The following CACNA2D3 variants were observed in gnomAD, a reference collection of about 807,000 sequenced individuals.
CACNA2D3 encodes the protein voltage-dependent calcium channel subunit alpha-2/delta-3.
CACNA2D3 carries 60 observed loss-of-function variants against 160.6 expected under a neutral mutation model. The ratio of observed to expected loss-of-function variants is 0.37; its 90% confidence interval spans 0.30 to 0.46. The LOEUF (loss-of-function observed/expected upper bound fraction) is 0.46, where lower values mean the gene tolerates loss of function less well. Ranked by LOEUF, CACNA2D3 falls within the 20% of genes least tolerant of loss-of-function variation. CACNA2D3 has a pLI of 1.00. For missense variants in CACNA2D3, 1,205 were observed against 1,365.0 expected (o/e 0.88, Z 1.85); for synonymous variants, 558 against 492.9 (o/e 1.13, Z -1.75).
At chr3:54,432,396 A>G (rs1474903462) in intron 4 of CACNA2D3, among the ~76,000 whole-genome samples, 1 of 152,178 alleles carries the variant, frequency 6.6e-6, no homozygotes, top group African/African-American at 2.4e-5. Flanking sequence ...TAACTAGAGC[A>G]AAAAAATGCA....
chr3:55,031,778 G>A (rs1417694536), intron 35 of CACNA2D3, among the ~76,000 whole-genome samples: 2 of 152,184 alleles, frequency 1.3e-5, no homozygotes, highest in Non-Finnish European at 2.9e-5. Flanking sequence ...TGGGTGGAGA[G>A]GGTACAAGAT....
chr3:54,445,866 G>T (rs572816573), intron 4 of CACNA2D3, among the ~76,000 whole-genome samples: 1 of 152,270 alleles, frequency 6.6e-6, no homozygotes, highest in African/African-American at 2.4e-5. Context: ...ATGTTTATAA[G>T]ACCTCTCATG....
At chr3:54,601,714 C>T (rs552367953) in intron 9 of CACNA2D3, among the ~76,000 whole-genome samples, 35 of 151,946 alleles carry the variant, frequency 2.3e-4, no homozygotes, top group African/African-American at 8.2e-4. Context: ...TCTAGCAATT[C>T]TGCTTGGATT....
chr3:54,335,828 A>AC lies in CACNA2D3; in HGVS notation c.321+15272dup, dbSNP rs200863842. Among the ~76,000 whole-genome samples the AC allele has an allele frequency of 4.7e-3, 715 of 151,662 alleles. 19 individuals carry two copies. The East Asian group carries it at 0.083, about 18-fold the overall frequency. On this transcript the variant is annotated intron_variant, in intron 3 of 37. Transcript: ENST00000474759. Reference sequence around the variant, plus strand: ...AGACCATCCTGGCCAGAATGGTGAAACCTGTCTCTACTAAAATAACAAAAA... The same window carrying AC: ...AGACCATCCTGGCCAGAATGGTGAAACCCTGTCTCTACTAAAATAACAAAAA...
chr3:54,780,765 A>G (rs1702517702), intron 13 of CACNA2D3, among the ~76,000 whole-genome samples: 1 of 152,240 alleles, frequency 6.6e-6, no homozygotes, highest in South Asian at 2.1e-4. Context: ...GAAGACGCTA[A>G]GAAATCCTTA....
rs888541914 is a variant in CACNA2D3, at chr3:54,256,241, G to A, written c.205-64201G>A. Among the ~76,000 whole-genome samples, 3 of 152,272 alleles carry A rather than the reference G, an allele frequency of 2.0e-5. No homozygotes were observed. In the East Asian group the frequency reaches 5.8e-4, roughly 29 times the overall value. On this transcript the variant is annotated intron_variant, in intron 2 of 37. Coordinates refer to ENST00000474759, the MANE Select transcript of CACNA2D3 (RefSeq NM_018398.3). ...TGAAGTCTTGTTGTACCTGGAAGAGGAAGTCCTCAGGATTGAATGCCTCCC... is the reference window on the plus strand; with the variant it reads ...TGAAGTCTTGTTGTACCTGGAAGAGAAAGTCCTCAGGATTGAATGCCTCCC...
chr3:54,969,691 C>T (rs1182678465), intron 28 of CACNA2D3, 109 bp from the exon 29 acceptor site: 2 of 784,816 alleles, frequency 2.5e-6, no homozygotes, highest in Non-Finnish European at 4.3e-6. Flanking sequence ...TGAATTCTAG[C>T]CCATGACTTG....
chr3:54,882,371 C>T (rs1480311472), intron 21 of CACNA2D3, among the ~76,000 whole-genome samples: 1 of 150,700 alleles, frequency 6.6e-6, no homozygotes, highest in Non-Finnish European at 1.5e-5. Context: ...TCCCTCCCTT[C>T]CTCTCTCTCT....
chr3:54,625,180 T>G (rs560352652), intron 9 of CACNA2D3, among the ~76,000 whole-genome samples: 121 of 152,284 alleles, frequency 7.9e-4, no homozygotes, highest in South Asian at 1.5e-3. Flanking sequence ...CCCTGAAGAC[T>G]TAGCTCCCAC....
In CACNA2D3 at chr3:54,570,015, A is replaced by G; in HGVS notation, c.799A>G (p.Met267Val). The G allele has an allele frequency of 1.2e-6, 2 of 1,614,050 alleles. No homozygotes were observed. Among genetic ancestry groups the G allele is most frequent in the Non-Finnish European group, 1.7e-6 (2 of 1,179,882 alleles). Reference sequence around the variant, plus strand: ...CATTTTAGTTGACGTCAGTGGCAGCATGAAAGGACTCCGTCTGACTATCGC... The same window carrying G: ...CATTTTAGTTGACGTCAGTGGCAGCGTGAAAGGACTCCGTCTGACTATCGC... ...VVILVDVSGS[M>V]KGLRLTIAKQ... The change falls in exon 8 of 38, where the codon ATG (methionine) becomes GTG (valine). Residue 267 changes from methionine (M) to valine (V), a missense_variant. Physicochemically the swap from Met to Val is conservative, Grantham distance 21 (BLOSUM62 1). Transcript: ENST00000474759.
At chr3:54,442,098 C>A (rs946022139) in intron 4 of CACNA2D3, among the ~76,000 whole-genome samples, 8 of 152,138 alleles carry the variant, frequency 5.3e-5, no homozygotes, top group Admixed American at 4.6e-4. Flanking sequence ...TGTGTACCAC[C>A]GTGTCCAGCT....
intron 8 of CACNA2D3, among the ~76,000 whole-genome samples, chr3:54,574,146 G>C (rs1285168529): frequency 6.6e-6 from 1 of 152,076 alleles, no homozygotes; most frequent in East Asian, 1.9e-4. Flanking sequence ...TCCTTTGCTT[G>C]CCGGGTAGAT....
intron 11 of CACNA2D3, among the ~76,000 whole-genome samples, chr3:54,652,733 A>C (rs1699796447): frequency 6.7e-6 from 1 of 149,124 alleles, no homozygotes; most frequent in African/African-American, 2.5e-5. Context: ...CAGTGGGCAC[A>C]GTGAGATGTT....
chr3:55,008,920 CACACAG>C (rs1449862545), intron 33 of CACNA2D3, among the ~76,000 whole-genome samples: 88 of 147,608 alleles, frequency 6.0e-4, no homozygotes, highest in African/African-American at 2.1e-3. Context: ...CACACACACA[CACACAG>C]GGGGCTTAAA....
chr3:54,433,850 G>A (rs1168362350), intron 4 of CACNA2D3, among the ~76,000 whole-genome samples: 1 of 152,172 alleles, frequency 6.6e-6, no homozygotes, highest in Non-Finnish European at 1.5e-5. Flanking sequence ...AATCTTTTGG[G>A]TGATATTCAC....
At position 54,642,190 on chromosome 3, in the gene CACNA2D3, G is replaced by A. The variant is rs762069555; in HGVS notation, c.1116G>A (p.Ala372=). 24 of 1,613,052 alleles carry A rather than the reference G, an allele frequency of 1.5e-5. No homozygotes were observed. In the Admixed American group the frequency reaches 1.7e-4, roughly 11 times the overall value. Residue 372 remains alanine, a synonymous_variant, in exon 11 of 38, where the codon GCG becomes GCA. Transcript: ENST00000474759. ...CCATCATGCTCATAACTGATGGGGC[G>A]GTGGACACCTATGATACAATCTTTG... ...SQAIMLITDG[A]VDTYDTIFAK...
intron 13 of CACNA2D3, among the ~76,000 whole-genome samples, chr3:54,812,307 C>T (rs1443987381): frequency 6.6e-6 from 1 of 152,200 alleles, no homozygotes; most frequent in Admixed American, 6.5e-5. Flanking sequence ...ATGGCAATAA[C>T]TTTGCTACCA....
At chr3:54,165,141 CAA>C (rs1489094653) in intron 2 of CACNA2D3, among the ~76,000 whole-genome samples, 5 of 71,510 alleles carry the variant, frequency 7.0e-5, no homozygotes, top group African/African-American at 1.5e-4. Context: ...TTTTGTCAAA[CAA>C]GATGAATGAA....
At chr3:54,953,873 T>C (rs992380752) in intron 27 of CACNA2D3, among the ~76,000 whole-genome samples, 5 of 152,176 alleles carry the variant, frequency 3.3e-5, no homozygotes, top group Non-Finnish European at 5.9e-5. Flanking sequence ...GGCCTGGGAC[T>C]TGGAGTCTGA....
Sources: gnomAD v4.1 joint callset for allele counts (sites outside exome capture counted in the v4.1 genomes callset) on GRCh38, gnomAD v4.1.1 for gene constraint, MANE v1.5 for transcripts, NCBI Gene and HGNC (gene_info 2026-07-23, HGNC 2026-07-21) for gene names.